NEGR1: variants seen among roughly 807,000 people sequenced by gnomAD.
NEGR1 encodes neuronal growth regulator 1.
In NEGR1, 10 loss-of-function variants were observed where a neutral mutation model predicts 40.9. The ratio of observed to expected loss-of-function variants is 0.24; its 90% confidence interval spans 0.15 to 0.42. The LOEUF (loss-of-function observed/expected upper bound fraction) is 0.42, where lower values mean the gene tolerates loss of function less well. Among genes scored for constraint, NEGR1 ranks in the 10% least tolerant of loss-of-function variants. The pLI, the probability that NEGR1 is intolerant of heterozygous loss-of-function variation, is 1.00. For missense variants in NEGR1, 352 were observed against 438.9 expected, an observed-to-expected ratio of 0.80 and a Z score of 1.77; for synonymous variants, 185 against 166.8, an observed-to-expected ratio of 1.11 and a Z score of -0.84.
chr1:71,881,130 A>G (rs1660572636), intron 2 of NEGR1, among the ~76,000 whole-genome samples: 1 of 152,048 alleles, frequency 6.6e-6, no homozygotes, highest in South Asian at 2.1e-4. Flanking sequence ...TTCCTACAGT[A>G]CAGTATGTTT....
At chr1:71,776,071 C>T in intron 3 of NEGR1, 101 bp downstream of exon 3, 3 of 634,790 alleles carry the variant, frequency 4.7e-6, no homozygotes, top group Non-Finnish European at 4.8e-6. Context: ...GAATAAAATA[C>T]AAAAAATTAA....
Position 72,132,542 on chromosome 1 carries a change from G to A in NEGR1, c.176+149777C>T, listed in dbSNP as rs192254119. Among the ~76,000 whole-genome samples, 826 of 152,276 alleles carry A rather than the reference G, an allele frequency of 5.4e-3. 5 individuals are homozygous for A. The highest frequency in any genetic ancestry group is 0.019 in the African/African-American group (788 of 41,574). On this transcript the variant is annotated intron_variant, in intron 1 of 6. Coordinates refer to ENST00000357731, the MANE Select transcript of NEGR1 (RefSeq NM_173808.3). Reference sequence around the variant, plus strand: ...TTTGAATGAAGAATGTGATGGTGAAGATGTGATGGTAATTTTTTGAAATGA... The same window carrying A: ...TTTGAATGAAGAATGTGATGGTGAAAATGTGATGGTAATTTTTTGAAATGA...
chr1:71,736,942 G>C (rs1489337968), intron 3 of NEGR1, among the ~76,000 whole-genome samples: 2 of 152,168 alleles, frequency 1.3e-5, no homozygotes, highest in Non-Finnish European at 2.9e-5. Flanking sequence ...GGCACATTTT[G>C]GATGGGCTCT....
At chr1:71,962,975 TACTC>T (rs757263406) in intron 1 of NEGR1, among the ~76,000 whole-genome samples, 10 of 152,112 alleles carry the variant, frequency 6.6e-5, no homozygotes, top group Non-Finnish European at 1.0e-4. Context: ...AATACAGAAA[TACTC>T]ACTCTTTGTT....
intron 4 of NEGR1, among the ~76,000 whole-genome samples, chr1:71,691,515 C>T (rs1358355127): frequency 6.6e-6 from 1 of 151,682 alleles, no homozygotes; most frequent in Non-Finnish European, 1.5e-5. Context: ...GTTTTAATCT[C>T]TTCTCTTACT....
At chr1:72,256,223 A>G (rs1655267140) in intron 1 of NEGR1, among the ~76,000 whole-genome samples, 1 of 152,216 alleles carries the variant, frequency 6.6e-6, no homozygotes. Flanking sequence ...TTTCAACTGA[A>G]GAGAGTTCAC....
intron 6 of NEGR1, chr1:71,486,559 C>A (rs1569933851): frequency 1.3e-5 from 2 of 151,580 alleles, no homozygotes; most frequent in African/African-American, 4.8e-5. Flanking sequence ...CAAATATCGT[C>A]TTTGAAACAC....
chr1:71,925,973 T>C (rs1249539689), intron 2 of NEGR1, among the ~76,000 whole-genome samples: 1 of 152,100 alleles, frequency 6.6e-6, no homozygotes, highest in Non-Finnish European at 1.5e-5. Flanking sequence ...ATGAATATAC[T>C]CCAAGATAGG....
intron 1 of NEGR1, among the ~76,000 whole-genome samples, chr1:72,147,782 A>T (rs989364886): frequency 6.6e-6 from 1 of 152,182 alleles, no homozygotes; most frequent in African/African-American, 2.4e-5. Context: ...GAAATTGGCC[A>T]AAACAAATGG....
At chr1:72,115,561 A>AT (rs1649548947) in intron 1 of NEGR1, among the ~76,000 whole-genome samples, 2 of 151,708 alleles carry the variant, frequency 1.3e-5, no homozygotes, top group African/African-American at 4.8e-5. Flanking sequence ...TAGCTGCTGG[A>AT]CAGAACAGAC....
intron 6 of NEGR1, among the ~76,000 whole-genome samples, chr1:71,456,736 C>T (rs1218359564): frequency 2.0e-5 from 3 of 152,158 alleles, no homozygotes; most frequent in African/African-American, 7.2e-5. Context: ...TAAATCAGTA[C>T]AATTAGCACC....
At chr1:72,259,266 G>T (rs1655375877) in intron 1 of NEGR1, among the ~76,000 whole-genome samples, 1 of 152,096 alleles carries the variant, frequency 6.6e-6, no homozygotes, top group South Asian at 2.1e-4. Context: ...ATTAATTCAG[G>T]CACTGTGCTA....
At chr1:72,202,302 C>A (rs942819603) in intron 1 of NEGR1, among the ~76,000 whole-genome samples, 2 of 151,828 alleles carry the variant, frequency 1.3e-5, no homozygotes, top group African/African-American at 2.4e-5. Context: ...TGAGACACAA[C>A]AATATTAAAA....
intron 2 of NEGR1, among the ~76,000 whole-genome samples, chr1:71,918,623 A>C (rs951315329): frequency 6.6e-6 from 1 of 152,152 alleles, no homozygotes; most frequent in East Asian, 1.9e-4. Context: ...TTACCTTGAA[A>C]AACACACATA....
intron 2 of NEGR1, among the ~76,000 whole-genome samples, chr1:71,833,429 G>T (rs1570409041): frequency 6.6e-6 from 1 of 152,052 alleles, no homozygotes; most frequent in South Asian, 2.1e-4. Context: ...TGAAAGAAGA[G>T]AAAATTTATT....
intron 2 of NEGR1, among the ~76,000 whole-genome samples, chr1:71,847,773 T>C (rs1453299114): frequency 6.6e-6 from 1 of 152,204 alleles, no homozygotes. Context: ...TCACATGCTT[T>C]AATCAGAAAC....
At chr1:71,843,103 T>C (rs116233684) in intron 2 of NEGR1, among the ~76,000 whole-genome samples, 2,602 of 152,262 alleles carry the variant, frequency 0.017, 37 homozygotes, top group Admixed American at 0.032. Context: ...TACATCCAAA[T>C]GGCAAATGAA....
intron 1 of NEGR1, among the ~76,000 whole-genome samples, chr1:72,087,472 T>C (rs1463224446): frequency 6.6e-6 from 1 of 151,278 alleles, no homozygotes; most frequent in Non-Finnish European, 1.5e-5. Context: ...TTAACCTCAG[T>C]ATAGCAAAAC....
chr1:71,769,189 T>C (rs1656231808), intron 3 of NEGR1, among the ~76,000 whole-genome samples: 1 of 152,126 alleles, frequency 6.6e-6, no homozygotes, highest in African/African-American at 2.4e-5. Flanking sequence ...TTTCTTACTA[T>C]TTCTAGGCTT....
Sources: gnomAD v4.1 joint callset for allele counts (sites outside exome capture counted in the v4.1 genomes callset) on GRCh38, gnomAD v4.1.1 for gene constraint, MANE v1.5 for transcripts, NCBI Gene and HGNC (gene_info 2026-07-23, HGNC 2026-07-21) for gene names.